PLA2G5: variants seen among roughly 807,000 people sequenced by gnomAD.
PLA2G5 encodes the protein phospholipase A2 group V, also known as Ca2+-dependent phospholipase A2.
In PLA2G5, 12 loss-of-function variants were observed where a neutral mutation model predicts 15.9. The observed-to-expected ratio is 0.76, with a 90% CI of 0.48 to 1.23. PLA2G5 has a LOEUF of 1.23. Among genes scored for constraint, PLA2G5 ranks in the 50% most tolerant of loss-of-function variants. PLA2G5 has a pLI of 0.00. For synonymous variants in PLA2G5, 71 were observed against 71.4 expected (o/e 0.99, Z 0.03); for missense variants, 169 against 177.1 (o/e 0.95, Z 0.26).
At chr1:20,049,985 T>C (rs542087071) in intron 1 of PLA2G5, among the ~76,000 whole-genome samples, 22 of 152,330 alleles carry the variant, frequency 1.4e-4, no homozygotes, top group African/African-American at 5.0e-4. Context: ...CTAAACGAAA[T>C]GTTTTCTTCC....
intron 1 of PLA2G5, among the ~76,000 whole-genome samples, chr1:20,075,157 G>C (rs1343617460): frequency 1.3e-5 from 2 of 152,160 alleles, no homozygotes; most frequent in African/African-American, 2.4e-5. Flanking sequence ...TCAGCTTTGG[G>C]GGTCTTTGGA....
chr1:20,044,604 G>T (rs984251433), intron 1 of PLA2G5, among the ~76,000 whole-genome samples: 1 of 152,160 alleles, frequency 6.6e-6, no homozygotes, highest in African/African-American at 2.4e-5. Context: ...AAAGAAAAAG[G>T]AGCATTAACC....
rs150239737 is a variant in PLA2G5 at position 20,041,246 on chromosome 1, C to G, written n.276+12537C>G. Among the ~76,000 whole-genome samples, 23 of 152,218 alleles carry G rather than the reference C, an allele frequency of 1.5e-4. 1 individual carries two copies. The highest frequency in any genetic ancestry group is 5.1e-4 in the African/African-American group (21 of 41,532). ...AAGTTTATGGCCCAAATCAATAGAA[C>G]AATTTGCTGAGGTCTGGGAGCACCC... On this transcript the variant is annotated intron_variant and non_coding_transcript_variant, in intron 1 of 6. Coordinates refer to the PLA2G5 transcript ENST00000460175.
intron 1 of PLA2G5, among the ~76,000 whole-genome samples, chr1:20,083,932 TGC>T (rs1159391298): frequency 1.3e-5 from 2 of 151,808 alleles, no homozygotes; most frequent in African/African-American, 4.9e-5. Context: ...GTAGACACAG[TGC>T]CTGGGTCCCA....
At chr1:20,030,917 G>C (rs2012887599) in intron 1 of PLA2G5, among the ~76,000 whole-genome samples, 1 of 152,150 alleles carries the variant, frequency 6.6e-6, no homozygotes, top group Non-Finnish European at 1.5e-5. Flanking sequence ...GCATCTCAAG[G>C]CAGAATAATT....
intron 2 of PLA2G5, among the ~76,000 whole-genome samples, chr1:20,062,712 C>T (rs1184425718): frequency 6.6e-6 from 1 of 152,134 alleles, no homozygotes; most frequent in African/African-American, 2.4e-5. Flanking sequence ...TTTTCCCCTA[C>T]CATGTAGCAC....
chr1:20,085,101 T>G (rs1360980315), intron 2 of PLA2G5, among the ~76,000 whole-genome samples: 2 of 152,146 alleles, frequency 1.3e-5, no homozygotes, highest in Admixed American at 6.5e-5. Flanking sequence ...TAGGAGATAT[T>G]GTACCTCAGC....
intron 1 of PLA2G5, among the ~76,000 whole-genome samples, chr1:20,072,371 G>T (rs2015423415): frequency 6.6e-6 from 1 of 152,196 alleles, no homozygotes; most frequent in Non-Finnish European, 1.5e-5. Context: ...CCTGGCACAT[G>T]ATACGTGCTT....
chr1:20,089,774 C>T lies in PLA2G5; in HGVS notation c.186-15C>T. 1.2e-6 allele frequency: 2 copies of T among 1,609,246 alleles called. No homozygotes were observed. Among genetic ancestry groups the T allele is most frequent in the Non-Finnish European group, 1.7e-6 (2 of 1,175,718 alleles). On this transcript the variant is annotated splice_polypyrimidine_tract_variant and intron_variant, in intron 3 of 4. Transcript: ENST00000375108. Reference sequence around the variant, plus strand: ...CACCCCTCCCACTCGGGATCTAAGTCTCTTGCACGGACAGGTGCTGTTGGG... The same window carrying T: ...CACCCCTCCCACTCGGGATCTAAGTTTCTTGCACGGACAGGTGCTGTTGGG...
chr1:20,041,594 G>A (rs1198136772), intron 1 of PLA2G5, among the ~76,000 whole-genome samples: 1 of 152,150 alleles, frequency 6.6e-6, no homozygotes, highest in Non-Finnish European at 1.5e-5. Flanking sequence ...ACACTGAGAA[G>A]TGATTTCCTT....
intron 2 of PLA2G5, among the ~76,000 whole-genome samples, chr1:20,061,401 C>A (rs1324591958): frequency 6.6e-6 from 1 of 151,590 alleles, no homozygotes; most frequent in African/African-American, 2.4e-5. Context: ...CTTGGGCAAC[C>A]TAGGGAGACC....
chr1:20,060,246 TC>T (rs2014643095), intron 2 of PLA2G5, among the ~76,000 whole-genome samples: 1 of 139,044 alleles, frequency 7.2e-6, no homozygotes, highest in South Asian at 2.4e-4. Context: ...TCTTTTTTCT[TC>T]TTTTTTTTTT....
chr1:20,028,458 T>C (rs1312427928), exon 1 of PLA2G5: 1 of 152,144 alleles, frequency 6.6e-6, no homozygotes, highest in East Asian at 1.9e-4. Flanking sequence ...ATGGTGCAGA[T>C]TGGACTTTCT....
chr1:20,074,270 C>G lies in PLA2G5; in HGVS notation c.-11+3805C>G, dbSNP rs182544505. 5.9e-5 allele frequency among the ~76,000 whole-genome samples: 9 copies of G among 152,248 alleles called. No homozygotes were observed. The East Asian group carries it at 1.2e-3, about 20-fold the overall frequency. On this transcript the variant is annotated intron_variant, in intron 1 of 4. Transcript: ENST00000375108. ...GGCATCCTGGAGCCCATCCACTTCTCTCATGCTGGTCATTGCTCTTGTAAC... is the reference window on the plus strand; with the variant it reads ...GGCATCCTGGAGCCCATCCACTTCTGTCATGCTGGTCATTGCTCTTGTAAC...
At chr1:20,084,233 C>T (rs1169672990) in intron 1 of PLA2G5, among the ~76,000 whole-genome samples, 2 of 152,152 alleles carry the variant, frequency 1.3e-5, no homozygotes, top group East Asian at 3.9e-4. Flanking sequence ...GCACTATTCT[C>T]AGTGGTAGAA....
At chr1:20,039,451 C>A (rs1557724331) in intron 1 of PLA2G5, among the ~76,000 whole-genome samples, 1 of 152,160 alleles carries the variant, frequency 6.6e-6, no homozygotes, top group East Asian at 1.9e-4. Flanking sequence ...AGGAATTACA[C>A]TTGGAGAACT....
chr1:20,057,185 A>G (rs1557734143), intron 1 of PLA2G5, among the ~76,000 whole-genome samples: 1 of 151,808 alleles, frequency 6.6e-6, no homozygotes, highest in Admixed American at 6.6e-5. Context: ...GCTTTTCTCT[A>G]TTGATGTCCT....
At chr1:20,064,640 T>C (rs567404959) in intron 2 of PLA2G5, among the ~76,000 whole-genome samples, 284 of 151,228 alleles carry the variant, frequency 1.9e-3, no homozygotes, top group Non-Finnish European at 3.1e-3. Context: ...ACACCTGTAA[T>C]CCCAGCACTT....
At chr1:20,069,619 C>T (rs1321580706), upstream of PLA2G5, among the ~76,000 whole-genome samples, 2 of 148,902 alleles carry the variant, frequency 1.3e-5, no homozygotes, top group Non-Finnish European at 3.0e-5. Flanking sequence ...TGAGATTGCA[C>T]CACTGCACTC....
Sources: allele counts gnomAD v4.1 joint callset (sites outside exome capture counted in the v4.1 genomes callset), GRCh38; gene constraint gnomAD v4.1.1; transcripts MANE v1.5; gene names NCBI Gene and HGNC (gene_info 2026-07-23, HGNC 2026-07-21).